AUTS2: variants seen among roughly 807,000 people sequenced by gnomAD.
The protein encoded by AUTS2 is activator of transcription and developmental regulator AUTS2.
AUTS2 carries 17 observed loss-of-function variants against 112.4 expected under a neutral mutation model. The observed-to-expected ratio is 0.15, with a 90% CI of 0.10 to 0.23. AUTS2 has a LOEUF of 0.23. Among genes scored for constraint, AUTS2 ranks in the 10% least tolerant of loss-of-function variants. The pLI, the probability that AUTS2 is intolerant of heterozygous loss-of-function variation, is 1.00. For missense variants in AUTS2, 1,510 were observed against 1,701.6 expected, an observed-to-expected ratio of 0.89 and a Z score of 1.98; for synonymous variants, 751 against 702.7, an observed-to-expected ratio of 1.07 and a Z score of -1.09.
chr7:70,340,195 C>CACACA (rs1562892230), intron 4 of AUTS2, among the ~76,000 whole-genome samples: 1 of 150,482 alleles, frequency 6.6e-6, no homozygotes, highest in Non-Finnish European at 1.5e-5. Flanking sequence ...CACACACACA[C>CACACA]CCCGTAATAA....
chr7:70,319,306 T>C (rs1425946760), intron 4 of AUTS2, among the ~76,000 whole-genome samples: 2 of 152,150 alleles, frequency 1.3e-5, no homozygotes, highest in African/African-American at 4.8e-5. Context: ...AGTTGGGGGA[T>C]GCTGCCAAAT....
At chr7:69,896,211 A>C (rs1794734705) in intron 1 of AUTS2, among the ~76,000 whole-genome samples, 1 of 152,254 alleles carries the variant, frequency 6.6e-6, no homozygotes, top group South Asian at 2.1e-4. Flanking sequence ...AATTCAATTC[A>C]GCAGCCATTC....
chr7:70,693,096 T>C (rs918105995), intron 5 of AUTS2, among the ~76,000 whole-genome samples: 3 of 152,170 alleles, frequency 2.0e-5, no homozygotes, highest in African/African-American at 7.2e-5. Flanking sequence ...GCAGCAGCTT[T>C]TCCTCTGCAC....
intron 5 of AUTS2, among the ~76,000 whole-genome samples, chr7:70,594,552 G>T (rs1803101552): frequency 3.9e-5 from 6 of 152,176 alleles, no homozygotes; most frequent in Admixed American, 3.9e-4. Flanking sequence ...ACTAGGATGG[G>T]AGCCCTTCTA....
chr7:69,626,397 G>T (rs1793949202), intron 1 of AUTS2, among the ~76,000 whole-genome samples: 1 of 152,012 alleles, frequency 6.6e-6, no homozygotes, highest in Non-Finnish European at 1.5e-5. Flanking sequence ...CCGCCTGGTT[G>T]CCGTGTCCAC....
At position 69,624,615 on chromosome 7, in the gene AUTS2, A is replaced by G. The variant is rs1449765764; in HGVS notation, c.309+24653A>G. On this transcript the variant is annotated intron_variant, in intron 1 of 18. Coordinates refer to ENST00000342771, the MANE Select transcript of AUTS2 (RefSeq NM_015570.4). Reference sequence around the variant, plus strand: ...GAGCTGTCTGCAGCCACCTGCCAGCAGCTACACATCTGTGCTCTGCTAGCA... The same window carrying G: ...GAGCTGTCTGCAGCCACCTGCCAGCGGCTACACATCTGTGCTCTGCTAGCA... 3.3e-5 allele frequency among the ~76,000 whole-genome samples: 5 copies of G among 152,204 alleles called. No homozygotes were observed. In the East Asian group the frequency reaches 9.6e-4, roughly 29 times the overall value.
At chr7:70,291,212 A>G (rs1469968588) in intron 4 of AUTS2, 1 of 152,220 alleles carries the variant, frequency 6.6e-6, no homozygotes, top group Non-Finnish European at 1.5e-5. Flanking sequence ...TGTAGTTCCT[A>G]TGTTTAAACT....
intron 4 of AUTS2, among the ~76,000 whole-genome samples, chr7:70,350,111 A>T: frequency 6.7e-6 from 1 of 150,282 alleles, no homozygotes; most frequent in Non-Finnish European, 1.5e-5. Flanking sequence ...GGACAATAGG[A>T]GATTTAAAAG....
chr7:70,399,895 C>T (rs570829578), intron 4 of AUTS2, among the ~76,000 whole-genome samples: 88 of 152,190 alleles, frequency 5.8e-4, no homozygotes, highest in African/African-American at 1.8e-3. Context: ...ATTTAGTGTG[C>T]GGTGGTAAGC....
At chr7:69,929,387 C>G (rs1562975068) in intron 2 of AUTS2, among the ~76,000 whole-genome samples, 1 of 151,756 alleles carries the variant, frequency 6.6e-6, no homozygotes, top group Non-Finnish European at 1.5e-5. Context: ...CTTCTTTGAT[C>G]TAGGATTCAT....
intron 1 of AUTS2, among the ~76,000 whole-genome samples, chr7:69,886,111 A>G (rs1794259140): frequency 6.6e-6 from 1 of 152,212 alleles, no homozygotes; most frequent in African/African-American, 2.4e-5. Context: ...GAAGGAACCT[A>G]AGAGGAGGAC....
At chr7:69,702,290 AAC>A (rs1347691426) in intron 1 of AUTS2, among the ~76,000 whole-genome samples, 1 of 152,228 alleles carries the variant, frequency 6.6e-6, no homozygotes, top group African/African-American at 2.4e-5. Context: ...CTTCCTGGGA[AAC>A]ACAAATAAAA....
chr7:70,581,464 G>A (rs1802440869), intron 5 of AUTS2, among the ~76,000 whole-genome samples: 1 of 152,188 alleles, frequency 6.6e-6, no homozygotes, highest in African/African-American at 2.4e-5. Flanking sequence ...AGGCTGAGGT[G>A]GGAGGATCGC....
At chr7:70,409,270 A>G (rs568278078) in intron 4 of AUTS2, among the ~76,000 whole-genome samples, 1 of 152,336 alleles carries the variant, frequency 6.6e-6, no homozygotes, top group East Asian at 1.9e-4. Flanking sequence ...GCATGTAGGT[A>G]CATGCATGTA....
intron 4 of AUTS2, among the ~76,000 whole-genome samples, chr7:70,421,842 C>G (rs1435439047): frequency 1.3e-5 from 2 of 152,210 alleles, no homozygotes; most frequent in Non-Finnish European, 2.9e-5. Flanking sequence ...TACCAAATTA[C>G]TGCATATAGT....
chr7:70,252,644 T>G lies in AUTS2; in HGVS notation c.660+118073T>G, dbSNP rs553255646. The stretch of plus-strand genomic sequence containing the variant: ...GTTAATTTTTGCTTTTGTAGTCATA[T>G]TCAAGAAATCTTTTCCTAGACCAAT... On this transcript the variant is annotated intron_variant, in intron 4 of 18. Coordinates refer to ENST00000342771, the MANE Select transcript of AUTS2 (RefSeq NM_015570.4). Among the ~76,000 whole-genome samples the G allele has an allele frequency of 2.0e-5, 3 of 152,274 alleles. No individual in the cohort carries two copies. The East Asian group carries it at 5.8e-4, about 29-fold the overall frequency.
chr7:70,686,694 G>A (rs1439392607), intron 5 of AUTS2, among the ~76,000 whole-genome samples: 1 of 151,284 alleles, frequency 6.6e-6, no homozygotes, highest in Non-Finnish European at 1.5e-5. Context: ...CACTATGCCC[G>A]GTTAATTTTT....
intron 1 of AUTS2, among the ~76,000 whole-genome samples, chr7:69,732,699 A>G (rs1430152342): frequency 6.6e-6 from 1 of 152,216 alleles, no homozygotes; most frequent in Non-Finnish European, 1.5e-5. Flanking sequence ...TATGGGGAAT[A>G]AAAGCAAAAG....
chr7:69,827,234 G>A (rs1465218185), intron 1 of AUTS2, among the ~76,000 whole-genome samples: 2 of 152,086 alleles, frequency 1.3e-5, no homozygotes, highest in South Asian at 2.1e-4. Context: ...TAAGCAAAGC[G>A]TCTTTTTGCT....
Sources: gnomAD v4.1 joint callset for allele counts (sites outside exome capture counted in the v4.1 genomes callset) on GRCh38, gnomAD v4.1.1 for gene constraint, MANE v1.5 for transcripts, NCBI Gene and HGNC (gene_info 2026-07-23, HGNC 2026-07-21) for gene names.